Variants in ANK3 observed in about 807,000 individuals in gnomAD.
The protein encoded by ANK3 is ankyrin-3.
A neutral mutation model predicts 370.9 loss-of-function variants in ANK3; 57 were observed. The ratio of observed to expected loss-of-function variants is 0.15; its 90% CI spans 0.12 to 0.19. ANK3 has a LOEUF of 0.19. ANK3 is among the 10% of genes least tolerant of loss of function. ANK3 has a pLI of 1.00. For synonymous variants in ANK3, 1,929 were observed against 1,946.3 expected (o/e 0.99, Z 0.23); for missense variants, 4,439 against 5,302.1 (o/e 0.84, Z 5.06).
intron 41 of ANK3, among the ~76,000 whole-genome samples, chr10:60,059,110 G>A (rs901864920): frequency 2.0e-5 from 3 of 152,120 alleles, no homozygotes; most frequent in Admixed American, 6.6e-5. Context: ...TATAAATCTT[G>A]GGCATGTATG....
At chr10:60,053,502 G>A (rs2078512929) in intron 42 of ANK3, among the ~76,000 whole-genome samples, 2 of 152,108 alleles carry the variant, frequency 1.3e-5, no homozygotes, top group South Asian at 4.2e-4. Flanking sequence ...TTTTTCCCTG[G>A]AATCTCTGCT....
intron 6 of ANK3, 68 bp downstream of exon 6, chr10:60,263,767 G>T (rs2097843008): frequency 3.2e-6 from 5 of 1,573,174 alleles, no homozygotes; most frequent in Non-Finnish European, 4.4e-6. Context: ...GGGAGACCGG[G>T]TGCTCTTAAA....
chr10:60,590,217 C>T (rs1227873782), intron 2 of ANK3, among the ~76,000 whole-genome samples: 1 of 152,154 alleles, frequency 6.6e-6, no homozygotes, highest in Admixed American at 6.5e-5. Flanking sequence ...GTGGGGATTG[C>T]ACCCTTGAAA....
chr10:60,293,758 A>T (rs1033484638), intron 1 of ANK3, among the ~76,000 whole-genome samples: 1 of 152,230 alleles, frequency 6.6e-6, no homozygotes, highest in Non-Finnish European at 1.5e-5. Context: ...TTTATAAAAC[A>T]AATTCCAATT....
At chr10:60,373,589 A>T (rs2060379504) in intron 1 of ANK3, among the ~76,000 whole-genome samples, 1 of 152,202 alleles carries the variant, frequency 6.6e-6, no homozygotes, top group South Asian at 2.1e-4. Context: ...TATTGATGAC[A>T]CTGGAAATTA....
intron 2 of ANK3, among the ~76,000 whole-genome samples, chr10:60,557,358 A>C (rs936253014): frequency 6.6e-6 from 1 of 152,236 alleles, no homozygotes; most frequent in Non-Finnish European, 1.5e-5. Context: ...CATTAAAAAC[A>C]TGCCAAGTGA....
chr10:60,679,658 A>G (rs2079169042), intron 1 of ANK3, among the ~76,000 whole-genome samples: 1 of 152,188 alleles, frequency 6.6e-6, no homozygotes, highest in Admixed American at 6.5e-5. Context: ...AGCCTACCCC[A>G]AGAAAGAATC....
intron 1 of ANK3, among the ~76,000 whole-genome samples, chr10:60,649,543 A>G (rs1238486019): frequency 6.6e-6 from 1 of 152,204 alleles, no homozygotes; most frequent in African/African-American, 2.4e-5. Context: ...ATGTGAAATC[A>G]ATTCAGCTCA....
chr10:60,248,799 T>A (rs932578870), intron 7 of ANK3, among the ~76,000 whole-genome samples: 2 of 152,216 alleles, frequency 1.3e-5, no homozygotes, highest in Admixed American at 6.5e-5. Context: ...AGCTGTCTGA[T>A]TCCCAAAGCT....
At chr10:60,037,626 CT>C (rs146747064) in intron 43 of ANK3, among the ~76,000 whole-genome samples, 48,965 of 151,992 alleles carry the variant, frequency 0.32, 8,029 homozygotes, top group South Asian at 0.36. Context: ...TGCTCTCACT[CT>C]TTTTTTTATA....
intron 2 of ANK3, among the ~76,000 whole-genome samples, chr10:60,582,459 C>T (rs1391702456): frequency 6.6e-6 from 1 of 151,858 alleles, no homozygotes; most frequent in African/African-American, 2.4e-5. Flanking sequence ...TAGATTTGTA[C>T]ACATTCCCAA....
At chr10:60,145,216 T>C (rs554022414) in intron 23 of ANK3, among the ~76,000 whole-genome samples, 43 of 152,276 alleles carry the variant, frequency 2.8e-4, no homozygotes, top group African/African-American at 8.7e-4. Flanking sequence ...GACCAAATAG[T>C]ACAACCCTGC....
rs1278057060 is a variant in ANK3, at chr10:60,516,338, G to A, written c.96+98848C>T. Among the ~76,000 whole-genome samples, 4 of 152,250 alleles carry A rather than the reference G, an allele frequency of 2.6e-5. No homozygotes were observed. In the East Asian group the frequency reaches 5.8e-4, roughly 22 times the overall value. ...ACAAATCCATGGGACTGAGGGCACA[G>A]GTACTGGGAGCCAGGATCTGTTCTG... On this transcript the variant is annotated intron_variant, in intron 2 of 43. Transcript: ENST00000373827.
At chr10:60,371,521 A>G (rs553273703) in intron 1 of ANK3, among the ~76,000 whole-genome samples, 16 of 152,306 alleles carry the variant, frequency 1.1e-4, no homozygotes, top group African/African-American at 3.6e-4. Flanking sequence ...AAAATATTTG[A>G]ACCAAAATGT....
intron 2 of ANK3, among the ~76,000 whole-genome samples, chr10:60,426,149 T>A (rs1436949959): frequency 6.6e-6 from 1 of 152,064 alleles, no homozygotes. Flanking sequence ...TTTTCAGCTT[T>A]CCAGCCCACC....
chr10:60,452,395 A>T (rs531968823), intron 2 of ANK3, among the ~76,000 whole-genome samples: 1 of 152,318 alleles, frequency 6.6e-6, no homozygotes, highest in South Asian at 2.1e-4. Flanking sequence ...TTCTAGCAGG[A>T]GGCAAGAATG....
chr10:60,377,242 C>T (rs980397372), intron 1 of ANK3, among the ~76,000 whole-genome samples: 24 of 152,214 alleles, frequency 1.6e-4, no homozygotes, highest in African/African-American at 5.1e-4. Context: ...TTCCTTTCAG[C>T]ATGTCCTGTC....
intron 2 of ANK3, among the ~76,000 whole-genome samples, chr10:60,451,344 T>C (rs904364174): frequency 6.6e-6 from 1 of 152,158 alleles, no homozygotes; most frequent in African/African-American, 2.4e-5. Flanking sequence ...ATATAGCCTT[T>C]AAAAAGAGAT....
chr10:60,101,151 AG>A (rs564048627), intron 28 of ANK3, among the ~76,000 whole-genome samples: 109 of 152,324 alleles, frequency 7.2e-4, no homozygotes, highest in Non-Finnish European at 1.3e-3. Context: ...TATTTGGAGG[AG>A]GGTACTCATC....
Sources: allele counts gnomAD v4.1 joint callset (sites outside exome capture counted in the v4.1 genomes callset), GRCh38; gene constraint gnomAD v4.1.1; transcripts MANE v1.5; gene names NCBI Gene and HGNC (gene_info 2026-07-23, HGNC 2026-07-21).